The following MICAL2 variants were observed in gnomAD, a reference collection of about 807,000 sequenced individuals.
The protein encoded by MICAL2 is microtubule associated monooxygenase, calponin and LIM domain containing 2, also known as [F-actin]-monooxygenase MICAL2.
In MICAL2, 77 loss-of-function variants were observed where a neutral mutation model predicts 127.3. The observed-to-expected ratio is 0.60, with a 90% CI of 0.50 to 0.73. The LOEUF (loss-of-function observed/expected upper bound fraction) is 0.73. MICAL2 is among the 30% of genes least tolerant of loss of function. The pLI, the probability that MICAL2 is intolerant of heterozygous loss-of-function variation, is 0.00. For synonymous variants in MICAL2, 570 were observed against 551.1 expected (o/e 1.03, Z -0.48); for missense variants, 1,351 against 1,434.4 (o/e 0.94, Z 0.94).
At chr11:12,322,594 G>C (rs1864310678) in intron 30 of MICAL2, among the ~76,000 whole-genome samples, 1 of 152,092 alleles carries the variant, frequency 6.6e-6, no homozygotes, top group South Asian at 2.1e-4. Flanking sequence ...GCATTAAAAA[G>C]AAATGTCTAG....
At chr11:12,322,197 G>T (rs998190972) in intron 30 of MICAL2, among the ~76,000 whole-genome samples, 4 of 152,122 alleles carry the variant, frequency 2.6e-5, no homozygotes, top group Non-Finnish European at 4.4e-5. Flanking sequence ...TATTACGTAG[G>T]TTAGTATAAT....
chr11:12,236,103 G>A, intron 15 of MICAL2, 74 bp from the exon 16 acceptor site: 1 of 1,306,124 alleles, frequency 7.7e-7, no homozygotes, highest in Non-Finnish European at 1.1e-6. Context: ...CCAGCCCTAT[G>A]CCCTCAGGGA....
chr11:12,206,889 G>A (rs570495087), intron 4 of MICAL2, among the ~76,000 whole-genome samples: 33 of 151,930 alleles, frequency 2.2e-4, no homozygotes, highest in Admixed American at 1.1e-3. Flanking sequence ...GAGTCTTCCT[G>A]CTCCTCCCCT....
At chr11:12,347,190 T>C (rs757736182) in intron 32 of MICAL2, among the ~76,000 whole-genome samples, 14 of 152,168 alleles carry the variant, frequency 9.2e-5, no homozygotes, top group Admixed American at 6.5e-5. Context: ...TCAAAAGTGT[T>C]ACCTGTTCTT....
chr11:12,192,376 C>T (rs1859306744), intron 3 of MICAL2, among the ~76,000 whole-genome samples: 1 of 152,240 alleles, frequency 6.6e-6, no homozygotes. Flanking sequence ...GCGATGCAAA[C>T]TGCCATCAGC....
intron 4 of MICAL2, among the ~76,000 whole-genome samples, chr11:12,205,002 G>A (rs1854504747): frequency 6.6e-6 from 1 of 152,190 alleles, no homozygotes; most frequent in Middle Eastern, 3.2e-3. Context: ...AGGTTTTAGA[G>A]CAGAGGAAAG....
intron 3 of MICAL2, among the ~76,000 whole-genome samples, chr11:12,183,440 CAG>C (rs943039570): frequency 2.6e-4 from 40 of 152,208 alleles, no homozygotes; most frequent in Admixed American, 2.2e-3. Context: ...GGCCCAGACA[CAG>C]AGCCTCTGCT....
intron 30 of MICAL2, among the ~76,000 whole-genome samples, chr11:12,322,333 A>G (rs368057949): frequency 3.3e-5 from 5 of 152,176 alleles, no homozygotes; most frequent in African/African-American, 1.2e-4. Flanking sequence ...GAAAGATCCT[A>G]GCTGCCCCAT....
In MICAL2 at chr11:12,124,608, C is replaced by T. The variant is rs148040577; in HGVS notation, c.-148-13782C>T. On this transcript the variant is annotated intron_variant, in intron 1 of 27. Transcript: ENST00000683283. ...TCCGTGCTCTGGGAGGTCACTTTCC[C>T]GGGCTAGGGGACTTGAAGTCATTGC... Among the ~76,000 whole-genome samples, 7 of 152,156 alleles carry T rather than the reference C, an allele frequency of 4.6e-5. No individual in the cohort carries two copies. In the East Asian group the frequency reaches 7.7e-4, roughly 17 times the overall value.
chr11:12,216,715 G>T (rs961850216), intron 8 of MICAL2, among the ~76,000 whole-genome samples: 1 of 152,164 alleles, frequency 6.6e-6, no homozygotes, highest in Non-Finnish European at 1.5e-5. Flanking sequence ...GTGGAGCCTT[G>T]TCACAGTGTG....
At chr11:12,219,207 C>G (rs1490912642) in intron 8 of MICAL2, among the ~76,000 whole-genome samples, 1 of 152,148 alleles carries the variant, frequency 6.6e-6, no homozygotes. Flanking sequence ...CTTTTTGTGT[C>G]ACCTTTGAGA....
In MICAL2 at chr11:12,223,405, T is replaced by C; in HGVS notation, c.1450-6T>C. On this transcript the variant is annotated splice_polypyrimidine_tract_variant and splice_region_variant and intron_variant, in intron 11 of 27. Coordinates refer to ENST00000683283, the MANE Select transcript of MICAL2 (RefSeq NM_001282663.2). ...TGGTGGGCAAGCATGTCTCTCTTGC[T>C]CATAGGTGAAGCATTTGTATATCAC... The C allele has an allele frequency of 6.2e-7, 1 of 1,612,804 alleles. No individual in the cohort carries two copies. Among genetic ancestry groups the C allele is most frequent in the East Asian group, 2.2e-5 (1 of 44,844 alleles).
At chr11:12,156,641 G>A (rs538402017) in intron 2 of MICAL2, among the ~76,000 whole-genome samples, 2 of 152,310 alleles carry the variant, frequency 1.3e-5, no homozygotes, top group East Asian at 3.9e-4. Flanking sequence ...CCTGGTAGGT[G>A]GAAAGCCAGC....
chr11:12,219,173 C>T (rs12294182), intron 8 of MICAL2, among the ~76,000 whole-genome samples: 20,123 of 152,152 alleles, frequency 0.13, 1,446 homozygotes, highest in Non-Finnish European at 0.14. Flanking sequence ...ACACACTGGT[C>T]CCCTCCCACT....
chr11:12,299,708 A>G (rs1033061167), intron 29 of MICAL2, among the ~76,000 whole-genome samples: 1 of 152,204 alleles, frequency 6.6e-6, no homozygotes, highest in African/African-American at 2.4e-5. Context: ...ACATCCGCAA[A>G]TGTTAAGCCT....
chr11:12,332,335 A>T (rs1938657813), intron 32 of MICAL2, among the ~76,000 whole-genome samples: 1 of 152,254 alleles, frequency 6.6e-6, no homozygotes. Context: ...AAGGGTTGAG[A>T]TCTTCTGTGA....
At chr11:12,327,727 T>C (rs977777515) in intron 32 of MICAL2, among the ~76,000 whole-genome samples, 3 of 150,518 alleles carry the variant, frequency 2.0e-5, no homozygotes, top group African/African-American at 7.4e-5. Context: ...CTTTATACTT[T>C]TTCATTTCCT....
chr11:12,134,734 C>T (rs1260227697), intron 1 of MICAL2, among the ~76,000 whole-genome samples: 1 of 152,068 alleles, frequency 6.6e-6, no homozygotes, highest in Non-Finnish European at 1.5e-5. Flanking sequence ...TTATGCCTCT[C>T]ATACCAACAC....
At chr11:12,345,218 A>T (rs1938935645) in intron 32 of MICAL2, among the ~76,000 whole-genome samples, 1 of 152,244 alleles carries the variant, frequency 6.6e-6, no homozygotes, top group African/African-American at 2.4e-5. Context: ...GAAGCTGTGA[A>T]AAACAAATGT....
Sources: allele counts gnomAD v4.1 joint callset (sites outside exome capture counted in the v4.1 genomes callset), GRCh38; gene constraint gnomAD v4.1.1; transcripts MANE v1.5; gene names NCBI Gene and HGNC (gene_info 2026-07-23, HGNC 2026-07-21).